AKR1E2: variants seen among roughly 807,000 people sequenced by gnomAD.
AKR1E2 encodes aldo-keto reductase family 1 member E2.
In AKR1E2, 43 loss-of-function variants were observed where a neutral mutation model predicts 41.9. That is an observed-to-expected ratio of 1.03 (90% CI 0.80 to 1.32). The LOEUF (loss-of-function observed/expected upper bound fraction) is 1.32. Among genes scored for constraint, AKR1E2 ranks in the 40% most tolerant of loss-of-function variants. The probability of loss-of-function intolerance (pLI) is 0.00; values close to 1 mark genes in which losing one functional copy is unlikely to be tolerated. For missense variants in AKR1E2, 423 were observed against 396.5 expected (o/e 1.07, Z -0.57); for synonymous variants, 121 against 138.9 (o/e 0.87, Z 0.91).
At chr10:4,859,000 T>A in the AKR1E2 span, among the ~76,000 whole-genome samples, 1 of 151,932 alleles carries the variant, frequency 6.6e-6, no homozygotes, top group South Asian at 2.1e-4. Context: ...ATTTTTGTAT[T>A]TTTAGTAGAG....
chr10:4,862,649 C>T, the AKR1E2 span, among the ~76,000 whole-genome samples: 2 of 152,096 alleles, frequency 1.3e-5, no homozygotes, highest in Non-Finnish European at 2.9e-5. Context: ...TCCTTCACAT[C>T]CCTTGTAAGC....
intron 1 of AKR1E2, among the ~76,000 whole-genome samples, chr10:4,829,766 C>T (rs1420115291): frequency 5.9e-5 from 9 of 152,060 alleles, no homozygotes; most frequent in Admixed American, 5.2e-4. Context: ...ACTGTCCATT[C>T]GTGTCAGTTT....
intron 2 of AKR1E2, among the ~76,000 whole-genome samples, chr10:4,831,544 T>A (rs983294548): frequency 6.6e-6 from 1 of 152,178 alleles, no homozygotes; most frequent in African/African-American, 2.4e-5. Context: ...CGAGACTTAT[T>A]CACTATCACC....
chr10:4,842,340 A>C, intron 7 of AKR1E2, 81 bp from the exon 8 acceptor site: 1 of 1,295,790 alleles, frequency 7.7e-7, no homozygotes, highest in Non-Finnish European at 1.1e-6. Context: ...TTACTGCATG[A>C]TAAAACTCAC....
the AKR1E2 span, among the ~76,000 whole-genome samples, chr10:4,861,844 G>A: frequency 1.8e-4 from 28 of 152,062 alleles, no homozygotes; most frequent in Non-Finnish European, 2.5e-4. Context: ...TTTGTCAGAT[G>A]AGTAGATTGC....
chr10:4,830,074 T>C (rs967728810), intron 1 of AKR1E2, among the ~76,000 whole-genome samples: 1 of 152,196 alleles, frequency 6.6e-6, no homozygotes, highest in African/African-American at 2.4e-5. Context: ...AGTGAGAAAG[T>C]GGTTTGTGAA....
At chr10:4,826,183 C>A, upstream of AKR1E2, 2 of 586,328 alleles carry the variant, frequency 3.4e-6, no homozygotes, top group Admixed American at 4.4e-5. Context: ...GTTCATGCTT[C>A]CAGCCATTGT....
chr10:4,842,197 G>A (rs1245735223), intron 7 of AKR1E2, among the ~76,000 whole-genome samples: 2 of 152,148 alleles, frequency 1.3e-5, no homozygotes, highest in African/African-American at 2.4e-5. Flanking sequence ...GGGGCTGGGC[G>A]CATGTTAAGG....
chr10:4,869,423 T>C, the AKR1E2 span, among the ~76,000 whole-genome samples: 6 of 152,118 alleles, frequency 3.9e-5, no homozygotes, highest in Admixed American at 2.0e-4. Flanking sequence ...TCTTTTTTTA[T>C]GTCAGTCTTG....
the AKR1E2 span, among the ~76,000 whole-genome samples, chr10:4,857,526 C>T: frequency 1.3e-5 from 2 of 152,192 alleles, no homozygotes; most frequent in Non-Finnish European, 2.9e-5. Context: ...ATGCCAGCAT[C>T]ATGCTTTCTA....
intron 7 of AKR1E2, 94 bp from the exon 8 acceptor site, chr10:4,842,327 C>T (rs1178387511): frequency 1.8e-6 from 2 of 1,088,442 alleles, no homozygotes; most frequent in African/African-American, 1.5e-5. Context: ...GATTCTTGGA[C>T]TCTTACTGCA....
intron 2 of AKR1E2, among the ~76,000 whole-genome samples, chr10:4,832,361 G>A (rs1833034530): frequency 6.6e-6 from 1 of 152,152 alleles, no homozygotes; most frequent in South Asian, 2.1e-4. Flanking sequence ...AGGCACCATT[G>A]CTATCTGCAC....
At chr10:4,825,581 C>A (rs954488420), upstream of AKR1E2, among the ~76,000 whole-genome samples, 1 of 152,220 alleles carries the variant, frequency 6.6e-6, no homozygotes. Flanking sequence ...AAGCCCCAGC[C>A]GCTCTGGGCC....
intron 3 of AKR1E2, among the ~76,000 whole-genome samples, chr10:4,835,170 T>C (rs1465153870): frequency 1.3e-5 from 2 of 152,238 alleles, no homozygotes; most frequent in Non-Finnish European, 2.9e-5. Context: ...CTCTGAAAGA[T>C]GACTTTAGGT....
At chr10:4,863,938 A>G in the AKR1E2 span, among the ~76,000 whole-genome samples, 8 of 152,248 alleles carry the variant, frequency 5.3e-5, no homozygotes, top group Non-Finnish European at 8.8e-5. Flanking sequence ...GAATATACCA[A>G]TAACAGGCTC....
chr10:4,847,036 T>C, intron 8 of AKR1E2, 112 bp from the exon 9 acceptor site: 1 of 1,177,236 alleles, frequency 8.5e-7, no homozygotes, highest in Non-Finnish European at 1.2e-6. Context: ...GAAGTGTTTG[T>C]TTTACATCTT....
chr10:4,840,406 G>A (rs933341688), intron 6 of AKR1E2, among the ~76,000 whole-genome samples: 2 of 152,238 alleles, frequency 1.3e-5, no homozygotes, highest in Non-Finnish European at 2.9e-5. Context: ...TAGTTAAGTA[G>A]CATTCCCGAG....
At chr10:4,863,982 C>A in the AKR1E2 span, among the ~76,000 whole-genome samples, 1 of 151,892 alleles carries the variant, frequency 6.6e-6, no homozygotes, top group Non-Finnish European at 1.5e-5. Flanking sequence ...GCTTACCAAC[C>A]AAAAAAAGCC....
chr10:4,831,122 G>A (rs1348160242), intron 2 of AKR1E2, among the ~76,000 whole-genome samples: 1 of 152,174 alleles, frequency 6.6e-6, no homozygotes, highest in Non-Finnish European at 1.5e-5. Flanking sequence ...TGGTGAATAG[G>A]ACAAAGTCCT....
Sources: gnomAD v4.1 joint callset for allele counts (sites outside exome capture counted in the v4.1 genomes callset) on GRCh38, gnomAD v4.1.1 for gene constraint, MANE v1.5 for transcripts, NCBI Gene and HGNC (gene_info 2026-07-23, HGNC 2026-07-21) for gene names.